Variants in STK32B observed in about 807,000 individuals in gnomAD.
STK32B encodes serine/threonine kinase 32B, also known as serine/threonine-protein kinase 32B.
STK32B carries 43 observed loss-of-function variants against 52.6 expected under a neutral mutation model. The ratio of observed to expected loss-of-function variants is 0.82; its 90% confidence interval spans 0.64 to 1.05. The LOEUF (loss-of-function observed/expected upper bound fraction) is 1.05, where lower values mean the gene tolerates loss of function less well. STK32B is among the 50% of genes least tolerant of loss of function. The pLI, the probability that STK32B is intolerant of heterozygous loss-of-function variation, is 0.00. For missense variants in STK32B, 621 were observed against 534.6 expected (o/e 1.16, Z -1.59); for synonymous variants, 238 against 204.3 (o/e 1.17, Z -1.41).
At chr4:5,081,180 G>A (rs1038044208) in intron 1 of STK32B, among the ~76,000 whole-genome samples, 1 of 152,080 alleles carries the variant, frequency 6.6e-6, no homozygotes, top group Non-Finnish European at 1.5e-5. Flanking sequence ...TGACTAATAC[G>A]TTTAATATAT....
Position 5,317,055 on chromosome 4 carries a change from T to C in STK32B, c.261-14165T>C, listed in dbSNP as rs1303103991. On this transcript the variant is annotated intron_variant, in intron 3 of 11. Transcript: ENST00000282908. ...GATATAATATATTATATATATAATATATATGATATAATATATTATATATTA... is the reference window on the plus strand; with the variant it reads ...GATATAATATATTATATATATAATACATATGATATAATATATTATATATTA... Among the ~76,000 whole-genome samples the C allele has an allele frequency of 4.0e-5, 2 of 49,888 alleles. 1 individual carries two copies. Among genetic ancestry groups the C allele is most frequent in the African/African-American group, 2.7e-4 (2 of 7,534 alleles). The allele number at this position is 49,888 out of a possible 152,430, so 32.7% of individuals were successfully genotyped here. A position where few individuals can be genotyped will look rare whatever the true frequency, so the allele number is the denominator to read the frequency against.
At chr4:5,221,072 G>C (rs2108796334) in intron 3 of STK32B, among the ~76,000 whole-genome samples, 1 of 152,180 alleles carries the variant, frequency 6.6e-6, no homozygotes, top group South Asian at 2.1e-4. Context: ...TCCTCTGAGG[G>C]TGCCTGGACC....
chr4:5,319,011 T>A (rs1009657189), intron 3 of STK32B, among the ~76,000 whole-genome samples: 9 of 152,008 alleles, frequency 5.9e-5, no homozygotes, highest in Non-Finnish European at 7.4e-5. Flanking sequence ...TCACTGTGTT[T>A]GCGAGGATGG....
At chr4:5,074,186 A>ATG (rs768254579) in intron 1 of STK32B, among the ~76,000 whole-genome samples, 3 of 87,054 alleles carry the variant, frequency 3.4e-5, no homozygotes, top group Middle Eastern at 6.3e-3. Flanking sequence ...GTAAATATAT[A>ATG]TATGTGTGTG....
chr4:5,198,919 T>C (rs12510640), intron 3 of STK32B, among the ~76,000 whole-genome samples: 11,984 of 149,920 alleles, frequency 0.08, 831 homozygotes, highest in Admixed American at 0.18. Flanking sequence ...ATCCTGTCTT[T>C]CCTTCCTAAT....
chr4:5,366,408 G>A (rs1171478378), intron 4 of STK32B, among the ~76,000 whole-genome samples: 1 of 152,232 alleles, frequency 6.6e-6, no homozygotes, highest in African/African-American at 2.4e-5. Context: ...CTTGAGCTTG[G>A]AGCTTGGCTC....
intron 3 of STK32B, among the ~76,000 whole-genome samples, chr4:5,216,904 G>T (rs770632945): frequency 6.6e-6 from 1 of 152,174 alleles, no homozygotes; most frequent in African/African-American, 2.4e-5. Context: ...ATAAGTGCAT[G>T]GAGGAGCTTA....
intron 3 of STK32B, among the ~76,000 whole-genome samples, chr4:5,172,890 G>T (rs571572053): frequency 2.3e-4 from 35 of 152,202 alleles, no homozygotes; most frequent in Admixed American, 6.5e-4. Context: ...AATGGTACCA[G>T]TTCCTCCTTG....
chr4:5,364,725 G>A (rs1734766768), intron 4 of STK32B, among the ~76,000 whole-genome samples: 1 of 152,046 alleles, frequency 6.6e-6, no homozygotes, highest in Non-Finnish European at 1.5e-5. Flanking sequence ...TAGAAGAAGA[G>A]AGCAGGAAAT....
intron 3 of STK32B, among the ~76,000 whole-genome samples, chr4:5,246,712 C>T (rs1725475946): frequency 6.6e-6 from 1 of 152,206 alleles, no homozygotes; most frequent in African/African-American, 2.4e-5. Context: ...TTTTATCTAC[C>T]TTTGGTCTTT....
intron 7 of STK32B, among the ~76,000 whole-genome samples, chr4:5,452,707 C>A (rs1288599891): frequency 6.6e-6 from 1 of 152,096 alleles, no homozygotes; most frequent in Non-Finnish European, 1.5e-5. Context: ...CCCAGCTCAA[C>A]TTTAACAGTG....
intron 3 of STK32B, among the ~76,000 whole-genome samples, chr4:5,289,466 G>A (rs181306278): frequency 9.2e-5 from 14 of 151,784 alleles, no homozygotes; most frequent in East Asian, 3.9e-4. Flanking sequence ...TTTTTGAGAC[G>A]GAGTCTCGCT....
Position 5,429,667 on chromosome 4 carries a change from T to C in STK32B, c.562+12733T>C, listed in dbSNP as rs1713399372. Among the ~76,000 whole-genome samples, 2 of 152,174 alleles carry C rather than the reference T, an allele frequency of 1.3e-5. 1 individual carries two copies. Among genetic ancestry groups the C allele is most frequent in the African/African-American group, 4.8e-5 (2 of 41,460 alleles). On this transcript the variant is annotated intron_variant, in intron 6 of 11. Coordinates refer to ENST00000282908, the MANE Select transcript of STK32B (RefSeq NM_018401.3). Reference sequence around the variant, plus strand: ...CCTTCTTTTTGCTATTTTCATATTCTTTCTTTGTGTAGCTTCAATTTTCTA... The same window carrying C: ...CCTTCTTTTTGCTATTTTCATATTCCTTCTTTGTGTAGCTTCAATTTTCTA...
At position 5,396,586 on chromosome 4, in the gene STK32B, A is replaced by G. The variant is rs951559175; in HGVS notation, c.435-1621A>G. On this transcript the variant is annotated intron_variant, in intron 4 of 11. Coordinates refer to ENST00000282908, the MANE Select transcript of STK32B (RefSeq NM_018401.3). The surrounding 1 kb of genome is among the most constrained non-coding windows in gnomAD (Gnocchi z 4.7). ...TCACCTGTGTCCTGACTCTAACTCTATCTTTAGGCTGTGGCCCTTGTAGGC... is the reference window on the plus strand; with the variant it reads ...TCACCTGTGTCCTGACTCTAACTCTGTCTTTAGGCTGTGGCCCTTGTAGGC... Among the ~76,000 whole-genome samples the G allele has an allele frequency of 2.6e-5, 4 of 151,844 alleles. No individual in the cohort carries two copies. Among genetic ancestry groups the G allele is most frequent in the Non-Finnish European group, 4.4e-5 (3 of 67,986 alleles).
chr4:5,378,791 C>T lies in STK32B; in HGVS notation c.435-19416C>T, dbSNP rs73794588. On this transcript the variant is annotated intron_variant, in intron 4 of 11. Coordinates refer to ENST00000282908, the MANE Select transcript of STK32B (RefSeq NM_018401.3). This position sits in a 1 kb window ranked among gnomAD's most constrained non-coding sequence, Gnocchi z 4.4. ...GCTGGCTGGGTAGATGAGTTTGTGA[C>T]GGGGAGGGTTTCTTGGAGCCCCATC... 0.11 allele frequency among the ~76,000 whole-genome samples: 17,233 copies of T among 152,078 alleles called. 2,056 individuals are homozygous for T. Among genetic ancestry groups the T allele is most frequent in the African/African-American group, 0.28 (11,534 of 41,430 alleles).
chr4:5,391,532 C>T (rs958718530), intron 4 of STK32B, among the ~76,000 whole-genome samples: 1 of 152,176 alleles, frequency 6.6e-6, no homozygotes, highest in African/African-American at 2.4e-5. Flanking sequence ...GAGCTGTATC[C>T]TGAAACCTGG....
chr4:5,393,896 T>A (rs1736726041), intron 4 of STK32B, among the ~76,000 whole-genome samples: 1 of 152,172 alleles, frequency 6.6e-6, no homozygotes, highest in South Asian at 2.1e-4. Flanking sequence ...CTTTGCTACC[T>A]CCCTCTCCCT....
At chr4:5,363,498 C>T (rs1302336137) in intron 4 of STK32B, among the ~76,000 whole-genome samples, 2 of 152,272 alleles carry the variant, frequency 1.3e-5, no homozygotes, top group East Asian at 3.9e-4. Flanking sequence ...TAAAGGCAGA[C>T]TCCAGACTTG....
intron 3 of STK32B, among the ~76,000 whole-genome samples, chr4:5,203,764 C>T (rs74534392): frequency 0.014 from 2,194 of 152,310 alleles, 33 homozygotes; most frequent in African/African-American, 0.05. Context: ...TCCTTTGCTT[C>T]CGTGTGCTCA....
Sources: gnomAD v4.1 joint callset for allele counts (sites outside exome capture counted in the v4.1 genomes callset) on GRCh38, gnomAD v4.1.1 for gene constraint, Gnocchi (gnomAD v3.1) non-coding constraint, MANE v1.5 for transcripts, NCBI Gene and HGNC (gene_info 2026-07-23, HGNC 2026-07-21) for gene names.